Variants in PTGR3 observed in about 807,000 individuals in gnomAD.
PTGR3 encodes the protein zinc binding alcohol dehydrogenase domain containing 2.
the PTGR3 span, among the ~76,000 whole-genome samples, chr18:75,208,078 A>T: frequency 2.0e-5 from 3 of 152,170 alleles, 1 homozygote; most frequent in South Asian, 4.1e-4. Context: ...ACTAAAGATG[A>T]GTGAGGCGGA....
chr18:75,206,263 C>T, the PTGR3 span, among the ~76,000 whole-genome samples: 1 of 152,152 alleles, frequency 6.6e-6, no homozygotes, highest in Admixed American at 6.5e-5. Flanking sequence ...AAGCACATCC[C>T]TCCCTGTGAA....
chr18:75,201,058 A>G, the PTGR3 span: 1 of 199,528 alleles, frequency 5.0e-6, no homozygotes, highest in Non-Finnish European at 1.0e-5. Flanking sequence ...ACCACTTTCA[A>G]AACTGATTTT....
chr18:75,206,409 G>T, the PTGR3 span, among the ~76,000 whole-genome samples: 1 of 152,168 alleles, frequency 6.6e-6, no homozygotes, highest in Non-Finnish European at 1.5e-5. Context: ...ATTCATTCTA[G>T]AGCGGATTTT....
the PTGR3 span, among the ~76,000 whole-genome samples, chr18:75,208,693 G>A: frequency 6.6e-6 from 1 of 152,004 alleles, no homozygotes; most frequent in East Asian, 1.9e-4. Flanking sequence ...AGATGGCGGC[G>A]GGTTCAACTT....
chr18:75,200,044 T>C, the PTGR3 span: 1 of 152,314 alleles, frequency 6.6e-6, no homozygotes, highest in Non-Finnish European at 1.5e-5. Context: ...TTAAATACAG[T>C]CCCCAAATTT....
At chr18:75,201,218 T>G in the PTGR3 span, 1 of 566,572 alleles carries the variant, frequency 1.8e-6, no homozygotes, top group Non-Finnish European at 3.1e-6. Flanking sequence ...TGGAGGGAAG[T>G]TTTATTAGCA....
At chr18:75,209,087 C>T in the PTGR3 span, 1 of 1,466,006 alleles carries the variant, frequency 6.8e-7, no homozygotes, top group Non-Finnish European at 9.0e-7. The surrounding 1 kb of genome is among the most constrained non-coding windows in gnomAD (Gnocchi z 4.7). Context: ...CTCTCTGCGC[C>T]GACGCTGGCC....
chr18:75,205,600 C>T, the PTGR3 span: 145 of 604,330 alleles, frequency 2.4e-4, no homozygotes, highest in African/African-American at 2.7e-3. Flanking sequence ...AGCGATCCTG[C>T]GCAGGGGAGA....
the PTGR3 span, chr18:75,196,779 C>A: frequency 6.6e-6 from 1 of 152,216 alleles, no homozygotes; most frequent in South Asian, 2.1e-4. Context: ...GACAGTCAAG[C>A]CTCCTGGGAT....
the PTGR3 span, chr18:75,198,897 G>A: frequency 1.2e-4 from 19 of 152,634 alleles, no homozygotes; most frequent in South Asian, 4.1e-4. Flanking sequence ...CCATCGTACC[G>A]TTTCACCTCC....
chr18:75,205,548 T>A, the PTGR3 span: 1 of 923,042 alleles, frequency 1.1e-6, no homozygotes, highest in Non-Finnish European at 1.3e-6. Flanking sequence ...TATATGTACT[T>A]AAAAAGTGCT....
At chr18:75,202,063 TG>T in the PTGR3 span, 1 of 1,614,124 alleles carries the variant, frequency 6.2e-7, no homozygotes, top group South Asian at 1.1e-5. Context: ...TCTTTCAGGC[TG>T]ATGTATGCGG....
chr18:75,199,628 T>A, the PTGR3 span: 1 of 151,962 alleles, frequency 6.6e-6, no homozygotes, highest in Non-Finnish European at 1.5e-5. Context: ...AAGGGATGGA[T>A]GAATAACTAA....
At chr18:75,209,088 G>A in the PTGR3 span, 14 of 1,465,800 alleles carry the variant, frequency 9.6e-6, no homozygotes, top group East Asian at 9.0e-5. This position sits in a 1 kb window ranked among gnomAD's most constrained non-coding sequence, Gnocchi z 4.7. Context: ...TCTCTGCGCC[G>A]ACGCTGGCCG....
the PTGR3 span, chr18:75,201,947 A>G: frequency 1.4e-5 from 23 of 1,614,248 alleles, no homozygotes; most frequent in Non-Finnish European, 1.9e-5. Flanking sequence ...AGCAGGTTCC[A>G]ATTACATGGC....
chr18:75,202,868 T>G, the PTGR3 span, among the ~76,000 whole-genome samples: 1 of 152,194 alleles, frequency 6.6e-6, no homozygotes, highest in Non-Finnish European at 1.5e-5. Context: ...ATAAGAGTAA[T>G]GACAATGATA....
At chr18:75,198,060 T>C in the PTGR3 span, 1 of 152,238 alleles carries the variant, frequency 6.6e-6, no homozygotes, top group Admixed American at 6.5e-5. Flanking sequence ...ACTCTGACTG[T>C]AGTAAATTCA....
the PTGR3 span, chr18:75,197,822 C>T: frequency 2.6e-5 from 4 of 152,100 alleles, no homozygotes; most frequent in African/African-American, 9.7e-5. Context: ...CAAATCAGGC[C>T]GTTTTGCATC....
chr18:75,202,429 G>C, the PTGR3 span: 3 of 1,223,326 alleles, frequency 2.5e-6, no homozygotes, highest in South Asian at 3.0e-5. Context: ...TAGTTCTGGC[G>C]ACCCTGGAGG....
Sources: allele counts gnomAD v4.1 joint callset (sites outside exome capture counted in the v4.1 genomes callset), GRCh38; gene constraint gnomAD v4.1.1; non-coding constraint Gnocchi (gnomAD v3.1); transcripts MANE v1.5; gene names NCBI Gene and HGNC (gene_info 2026-07-23, HGNC 2026-07-21).